GP6: variants seen among roughly 807,000 people sequenced by gnomAD.
GP6 encodes platelet glycoprotein VI.
In GP6, 45 loss-of-function variants were observed where a neutral mutation model predicts 37.3. That is an observed-to-expected ratio of 1.21 (90% CI 0.95 to 1.55). GP6 has a LOEUF of 1.55. GP6 is among the 40% of genes most tolerant of loss of function. The pLI is 0.00. For missense variants in GP6, 813 were observed against 760.2 expected (o/e 1.07, Z -0.82); for synonymous variants, 340 against 316.4 (o/e 1.07, Z -0.79).
intron 1 of GP6, 163 bp from the exon 2 acceptor site, chr19:55,032,701 G>A: frequency 3.9e-6 from 3 of 776,696 alleles, no homozygotes; most frequent in Admixed American, 2.1e-5. Context: ...AAACCGGTCA[G>A]AAAAAGCCAC....
At chr19:55,035,688 G>A (rs2074803761) in intron 1 of GP6, among the ~76,000 whole-genome samples, 1 of 152,020 alleles carries the variant, frequency 6.6e-6, no homozygotes. Context: ...CTGCGCTCCA[G>A]TCTGGGCAAC....
At chr19:55,015,586 AG>A in intron 7 of GP6, 96 bp downstream of exon 7, 2 of 797,684 alleles carry the variant, frequency 2.5e-6, no homozygotes, top group Non-Finnish European at 4.5e-6. Flanking sequence ...CTGGAACCCA[AG>A]ATCTGAGAGC....
chr19:55,016,955 C>T (rs1366812982), intron 6 of GP6, among the ~76,000 whole-genome samples: 1 of 151,784 alleles, frequency 6.6e-6, no homozygotes, highest in East Asian at 2.0e-4. Flanking sequence ...ACTCAGGAGC[C>T]GGAGATTGCA....
At position 55,025,107 on chromosome 19, in the gene GP6, T is replaced by C. The variant is rs151113808; in HGVS notation, c.664+111A>G. The C allele has an allele frequency of 2.3e-4, 170 of 736,986 alleles. 1 individual carries two copies. In the East Asian group the frequency reaches 4.5e-3, roughly 20 times the overall value. The allele number at this position is 736,986 out of a possible 1,614,324, so 45.7% of individuals were successfully genotyped here. A position where few individuals can be genotyped will look rare whatever the true frequency, so the allele number is the denominator to read the frequency against. On this transcript the variant is annotated intron_variant, in intron 5 of 7. Coordinates refer to ENST00000310373, the MANE Select transcript of GP6 (RefSeq NM_001083899.2). Reference sequence around the variant, plus strand: ...TAAAGGATTTTTAAAACAAAGCAAATCTGTGAAAGAACCAACTGAATTAAA... The same window carrying C: ...TAAAGGATTTTTAAAACAAAGCAAACCTGTGAAAGAACCAACTGAATTAAA...
chr19:55,028,191 G>A (rs905337958), intron 3 of GP6, among the ~76,000 whole-genome samples: 2 of 152,228 alleles, frequency 1.3e-5, no homozygotes, highest in African/African-American at 2.4e-5. Flanking sequence ...ACAGTAATTT[G>A]CAGAGTGCCT....
In GP6 at chr19:55,019,501, T is replaced by C. The variant is rs185327301; in HGVS notation, c.665-790A>G. Among the ~76,000 whole-genome samples the C allele has an allele frequency of 3.0e-3, 453 of 152,258 alleles. 8 individuals are homozygous for C. The highest frequency in any genetic ancestry group is 0.011 in the African/African-American group (439 of 41,552). Reference sequence around the variant, plus strand: ...CAATACTTCTTGTCCGTTTGTTTTGTTTTAAAAATCATAGTCATCCTAGTT... The same window carrying C: ...CAATACTTCTTGTCCGTTTGTTTTGCTTTAAAAATCATAGTCATCCTAGTT... On this transcript the variant is annotated intron_variant, in intron 5 of 7. Transcript: ENST00000310373.
In GP6 at chr19:55,014,278, G is replaced by GT. The variant is rs754459187; in HGVS notation, c.1666dup (p.Thr556AsnfsTer35). 1.1e-5 allele frequency: 14 copies of GT among 1,333,014 alleles called. No homozygotes were observed. The highest frequency in any genetic ancestry group is 4.6e-5 in the East Asian group (2 of 43,578). The allele number at this position is 1,333,014 out of a possible 1,614,324, so 82.6% of individuals were successfully genotyped here. A position where few individuals can be genotyped will look rare whatever the true frequency, so the allele number is the denominator to read the frequency against. On this transcript the variant is annotated frameshift_variant, in exon 8 of 8. Transcript: ENST00000310373. LOFTEE classifies it high-confidence loss of function. ...ACCACCACACCTGGCTAATTTTTGT[G>GT]TTTTTTTGTTTTGTTGGTAGAGATG...
intron 4 of GP6, 37 bp downstream of exon 4, chr19:55,027,541 G>T: frequency 1.3e-6 from 2 of 1,572,496 alleles, no homozygotes; most frequent in Non-Finnish European, 1.7e-6. Flanking sequence ...GACCTATAAA[G>T]GCTGAGGAAG....
At chr19:55,025,994 TC>T (rs1168307822) in intron 4 of GP6, among the ~76,000 whole-genome samples, 2,273 of 25,198 alleles carry the variant, frequency 0.09, 35 homozygotes, top group African/African-American at 0.17. Flanking sequence ...AAAGTGAGAC[TC>T]CCCCCAAAAA....
chr19:55,013,964 T>C lies in GP6; in HGVS notation c.*118A>G, dbSNP rs1244203938. The C allele has an allele frequency of 7.1e-6, 3 of 423,116 alleles. No individual in the cohort carries two copies. Among genetic ancestry groups the C allele is most frequent in the African/African-American group, 2.0e-5 (1 of 48,990 alleles). 26.2% of individuals were successfully genotyped at this position (423,116 alleles called of 1,614,324 possible). On this transcript the variant is annotated 3_prime_UTR_variant, in exon 8 of 8. Transcript: ENST00000310373. ...TAACATTTCCTTCAGAAAGTAAATA[T>C]GAGAGGGGTGGAGACGGTGCATTAT...
intron 1 of GP6, 136 bp downstream of exon 1, chr19:55,038,067 C>T (rs1162527998): frequency 1.3e-6 from 1 of 756,158 alleles, no homozygotes; most frequent in African/African-American, 1.7e-5. Flanking sequence ...CGTTTCCCCA[C>T]CCAACAAATG....
chr19:55,025,793 A>C (rs1039237908), intron 4 of GP6, among the ~76,000 whole-genome samples: 1 of 151,828 alleles, frequency 6.6e-6, no homozygotes, highest in African/African-American at 2.4e-5. Context: ...CCTGAGGTCA[A>C]GAGTTCAAGA....
intron 3 of GP6, among the ~76,000 whole-genome samples, chr19:55,030,080 C>T (rs569213861): frequency 1.3e-5 from 2 of 152,286 alleles, no homozygotes; most frequent in Admixed American, 6.5e-5. Flanking sequence ...TTAAAACTCA[C>T]ATTATTCTGT....
intron 4 of GP6, among the ~76,000 whole-genome samples, chr19:55,026,702 A>G (rs2074315790): frequency 6.6e-6 from 1 of 152,140 alleles, no homozygotes; most frequent in South Asian, 2.1e-4. Flanking sequence ...CCTGACCAAC[A>G]TAGTGAAACC....
intron 1 of GP6, among the ~76,000 whole-genome samples, chr19:55,036,232 T>C (rs2074826433): frequency 6.6e-6 from 1 of 151,988 alleles, no homozygotes; most frequent in South Asian, 2.1e-4. Context: ...AGTGATGTAA[T>C]GGACTTCAGA....
chr19:55,017,470 TCGATCCAGC>T (rs1302443756), intron 6 of GP6, among the ~76,000 whole-genome samples: 2 of 151,984 alleles, frequency 1.3e-5, no homozygotes, highest in Non-Finnish European at 2.9e-5. Flanking sequence ...GAGGAAACCA[TCGATCCAGC>T]CTGGACGGTC....
In GP6 at chr19:55,014,951, C is replaced by T. The variant is rs549916040; in HGVS notation, c.994G>A (p.Gly332Arg). Residue 332 changes from glycine to arginine, a missense_variant, in exon 8 of 8, where the codon GGA becomes AGA. By Grantham distance (125) the Gly-to-Arg change is moderately radical. Coordinates refer to ENST00000310373, the MANE Select transcript of GP6 (RefSeq NM_001083899.2). ...AACATAACCCGCGGCTGTGAACATC[C>T]TGTCGGCCTCCATCCTGACCCCCGT... The T allele has an allele frequency of 3.1e-6, 5 of 1,613,540 alleles. No homozygotes were observed. The highest frequency in any genetic ancestry group is 4.5e-5 in the East Asian group (2 of 44,848).
chr19:55,033,887 A>G (rs941287086), intron 1 of GP6, among the ~76,000 whole-genome samples: 2 of 152,108 alleles, frequency 1.3e-5, no homozygotes, highest in Non-Finnish European at 2.9e-5. Context: ...ATTTGCTTGA[A>G]TCAGTATTCC....
intron 1 of GP6, among the ~76,000 whole-genome samples, chr19:55,034,105 T>C (rs906511408): frequency 2.0e-5 from 3 of 150,336 alleles, no homozygotes; most frequent in Non-Finnish European, 4.5e-5. Context: ...TATACACGTG[T>C]GTACATACAC....
Sources: allele counts gnomAD v4.1 joint callset (sites outside exome capture counted in the v4.1 genomes callset), GRCh38; gene constraint gnomAD v4.1.1; transcripts MANE v1.5; gene names NCBI Gene and HGNC (gene_info 2026-07-23, HGNC 2026-07-21).